The following GRID2 variants were observed in gnomAD, a reference collection of about 807,000 sequenced individuals.
GRID2 encodes glutamate receptor ionotropic, delta-2.
In GRID2, 33 loss-of-function variants were observed where a neutral mutation model predicts 114.8. The observed-to-expected ratio is 0.29, with a 90% CI of 0.22 to 0.38. GRID2 has a LOEUF of 0.38. Ranked by LOEUF, GRID2 falls within the 10% of genes least tolerant of loss-of-function variation. The probability of loss-of-function intolerance (pLI) is 1.00; values close to 1 mark genes in which losing one functional copy is unlikely to be tolerated. For synonymous variants in GRID2, 505 were observed against 449.9 expected (o/e 1.12, Z -1.55); for missense variants, 1,184 against 1,257.7 (o/e 0.94, Z 0.89).
At chr4:93,031,334 G>A (rs767636172) in intron 2 of GRID2, among the ~76,000 whole-genome samples, 5 of 152,098 alleles carry the variant, frequency 3.3e-5, no homozygotes, top group Non-Finnish European at 5.9e-5. Context: ...GTGAGCCACC[G>A]TGCCCGGCCG....
chr4:92,976,026 T>C (rs1560762079), intron 2 of GRID2, among the ~76,000 whole-genome samples: 1 of 152,100 alleles, frequency 6.6e-6, no homozygotes, highest in Non-Finnish European at 1.5e-5. Context: ...TTTTCATTAA[T>C]TAATATACTA....
chr4:93,283,467 T>G (rs896551932), intron 8 of GRID2, among the ~76,000 whole-genome samples: 2 of 152,164 alleles, frequency 1.3e-5, no homozygotes, highest in African/African-American at 4.8e-5. Context: ...TCATAAAAAT[T>G]ACAAATTCCT....
chr4:92,758,941 C>T (rs995655254), intron 2 of GRID2, among the ~76,000 whole-genome samples: 3 of 152,128 alleles, frequency 2.0e-5, no homozygotes, highest in Non-Finnish European at 2.9e-5. Flanking sequence ...TAACTTCTTT[C>T]TGCAAACAAA....
At chr4:93,377,001 A>T (rs1222938137) in intron 8 of GRID2, among the ~76,000 whole-genome samples, 1 of 152,184 alleles carries the variant, frequency 6.6e-6, no homozygotes, top group East Asian at 1.9e-4. Flanking sequence ...AATTATTCTA[A>T]ATCTTGGGAA....
intron 13 of GRID2, 69 bp downstream of exon 13, chr4:93,515,480 G>A: frequency 9.3e-7 from 1 of 1,069,600 alleles, no homozygotes; most frequent in East Asian, 2.5e-5. Flanking sequence ...GCGCAGTTGA[G>A]ATTTGTTTTT....
intron 1 of GRID2, among the ~76,000 whole-genome samples, chr4:92,517,432 T>C (rs1466809508): frequency 6.6e-6 from 1 of 151,962 alleles, no homozygotes; most frequent in Non-Finnish European, 1.5e-5. Context: ...GATATAATGA[T>C]ACTTTGTAAG....
intron 2 of GRID2, among the ~76,000 whole-genome samples, chr4:92,951,898 C>CT (rs1325023579): frequency 1.3e-5 from 2 of 151,990 alleles, no homozygotes; most frequent in African/African-American, 4.8e-5. Context: ...GTTCCATATT[C>CT]TTTTTATGGC....
chr4:93,112,132 G>A (rs1732826208), intron 4 of GRID2: 1 of 152,136 alleles, frequency 6.6e-6, no homozygotes, highest in Non-Finnish European at 1.5e-5. Flanking sequence ...AGATGGGAGT[G>A]AGTACACAGA....
chr4:92,690,291 T>C (rs1734123727), intron 2 of GRID2, among the ~76,000 whole-genome samples: 1 of 152,110 alleles, frequency 6.6e-6, no homozygotes, highest in African/African-American at 2.4e-5. Flanking sequence ...TCCATACTGT[T>C]GTGTCCTAAG....
intron 1 of GRID2, among the ~76,000 whole-genome samples, chr4:92,566,845 C>A (rs1019349977): frequency 6.6e-6 from 1 of 152,006 alleles, no homozygotes; most frequent in Non-Finnish European, 1.5e-5. Context: ...AATGCTGGTA[C>A]TCAGTTGTGG....
At chr4:93,363,047 C>T (rs1055312502) in intron 8 of GRID2, among the ~76,000 whole-genome samples, 1 of 152,062 alleles carries the variant, frequency 6.6e-6, no homozygotes, top group Admixed American at 6.6e-5. Flanking sequence ...TGGTGAAACC[C>T]TATCTCTACT....
intron 2 of GRID2, among the ~76,000 whole-genome samples, chr4:92,697,722 A>C (rs539129077): frequency 6.6e-6 from 1 of 152,256 alleles, no homozygotes; most frequent in Admixed American, 6.5e-5. Flanking sequence ...AAGACTAAGT[A>C]AAATAATGCG....
chr4:93,136,798 A>G (rs1367750841), intron 4 of GRID2, among the ~76,000 whole-genome samples: 1 of 152,206 alleles, frequency 6.6e-6, no homozygotes, highest in Non-Finnish European at 1.5e-5. Context: ...AGGTGATTCC[A>G]CAACTGACCA....
chr4:92,673,991 TA>T (rs139634743), intron 2 of GRID2, among the ~76,000 whole-genome samples: 1 of 151,896 alleles, frequency 6.6e-6, no homozygotes, highest in African/African-American at 2.4e-5. Context: ...AAAAAATAAA[TA>T]AAAAAAGAAG....
chr4:92,604,572 G>A (rs562355814), intron 2 of GRID2, among the ~76,000 whole-genome samples: 41 of 152,092 alleles, frequency 2.7e-4, no homozygotes, highest in African/African-American at 8.9e-4. Flanking sequence ...AAATAACTAA[G>A]GCATGTGGGG....
intron 9 of GRID2, among the ~76,000 whole-genome samples, chr4:93,398,055 C>T (rs1343911130): frequency 2.0e-5 from 3 of 149,814 alleles, no homozygotes; most frequent in Non-Finnish European, 4.4e-5. Flanking sequence ...ACAATATTCT[C>T]AAGAAATAGG....
chr4:92,656,081 TA>T (rs1732218521), intron 2 of GRID2, among the ~76,000 whole-genome samples: 1 of 151,772 alleles, frequency 6.6e-6, no homozygotes, highest in African/African-American at 2.4e-5. Context: ...TGCAGAGTAG[TA>T]GTTCTATTTT....
intron 2 of GRID2, among the ~76,000 whole-genome samples, chr4:92,652,865 C>T (rs1390778736): frequency 1.1e-5 from 1 of 92,596 alleles, no homozygotes; most frequent in Non-Finnish European, 2.3e-5. Context: ...TATATAAATA[C>T]ATATAAATAT....
intron 2 of GRID2, among the ~76,000 whole-genome samples, chr4:92,776,781 A>T (rs997041662): frequency 2.0e-5 from 3 of 152,082 alleles, no homozygotes; most frequent in African/African-American, 7.2e-5. Flanking sequence ...TAACTAAAAG[A>T]AGTTAATATA....
Sources: gnomAD v4.1 joint callset for allele counts (sites outside exome capture counted in the v4.1 genomes callset) on GRCh38, gnomAD v4.1.1 for gene constraint, MANE v1.5 for transcripts, NCBI Gene and HGNC (gene_info 2026-07-23, HGNC 2026-07-21) for gene names.